Variants in SPSB4 observed in about 807,000 individuals in gnomAD.
The protein encoded by SPSB4 is splA/ryanodine receptor domain and SOCS box containing 4.
Under a neutral mutation model 20.9 loss-of-function variants are expected in SPSB4, and 21 were observed. The ratio of observed to expected loss-of-function variants is 1.01; its 90% CI spans 0.71 to 1.45. SPSB4 has a LOEUF of 1.45. SPSB4 is among the 40% of genes most tolerant of loss of function. The probability of loss-of-function intolerance (pLI) is 0.00; values close to 1 mark genes in which losing one functional copy is unlikely to be tolerated. For missense variants in SPSB4, 399 were observed against 399.2 expected, an observed-to-expected ratio of 1.00 and a Z score of 0.00; for synonymous variants, 207 against 183.8, an observed-to-expected ratio of 1.13 and a Z score of -1.02.
intron 2 of SPSB4, among the ~76,000 whole-genome samples, chr3:141,145,902 A>T (rs1939406141): frequency 6.6e-6 from 1 of 151,128 alleles, no homozygotes; most frequent in African/African-American, 2.4e-5. Flanking sequence ...TGTGCCTTTA[A>T]CCCTCCTATT....
chr3:141,069,078 G>A (rs2107780636), intron 2 of SPSB4, among the ~76,000 whole-genome samples: 1 of 152,304 alleles, frequency 6.6e-6, no homozygotes, highest in South Asian at 2.1e-4. Context: ...CAGATGTCAT[G>A]GGATGCAGGC....
intron 2 of SPSB4, among the ~76,000 whole-genome samples, chr3:141,137,854 G>T (rs1939254124): frequency 6.6e-6 from 1 of 152,186 alleles, no homozygotes; most frequent in South Asian, 2.1e-4. Flanking sequence ...CTCATAAAAT[G>T]AGTTAGGGAG....
chr3:141,052,138 A>T (rs2107772099), intron 1 of SPSB4, 146 bp downstream of exon 1: 1 of 152,518 alleles, frequency 6.6e-6, no homozygotes. Flanking sequence ...AGGTTGTGGC[A>T]GTTCGAGATG....
chr3:141,098,910 T>C (rs1938580225), intron 2 of SPSB4, among the ~76,000 whole-genome samples: 1 of 152,156 alleles, frequency 6.6e-6, no homozygotes, highest in Non-Finnish European at 1.5e-5. Context: ...TCCAAGAGCA[T>C]GGCATTGGCA....
At chr3:141,058,831 T>C (rs916306873) in intron 1 of SPSB4, among the ~76,000 whole-genome samples, 22 of 151,880 alleles carry the variant, frequency 1.4e-4, no homozygotes, top group African/African-American at 4.8e-4. Context: ...GGAGTGAGAG[T>C]CCAACTATGA....
chr3:141,128,849 A>C (rs1031677346), intron 2 of SPSB4, among the ~76,000 whole-genome samples: 1 of 152,168 alleles, frequency 6.6e-6, no homozygotes, highest in African/African-American at 2.4e-5. Context: ...AAATTGTTCC[A>C]TTCTACCTTC....
At chr3:141,072,454 C>T (rs913537916) in intron 2 of SPSB4, among the ~76,000 whole-genome samples, 2 of 152,158 alleles carry the variant, frequency 1.3e-5, no homozygotes, top group Non-Finnish European at 2.9e-5. Context: ...GTGCCCTCCT[C>T]GTGGTAATGA....
intron 2 of SPSB4, among the ~76,000 whole-genome samples, chr3:141,106,927 A>T (rs529168040): frequency 1.3e-5 from 2 of 152,312 alleles, no homozygotes; most frequent in African/African-American, 4.8e-5. Flanking sequence ...GTATGGGGTC[A>T]TCTTTCTCAG....
intron 2 of SPSB4, among the ~76,000 whole-genome samples, chr3:141,097,071 C>T (rs900836060): frequency 1.3e-5 from 2 of 152,236 alleles, no homozygotes; most frequent in Non-Finnish European, 2.9e-5. Flanking sequence ...TCCATTTTCA[C>T]CCTTTCTTGA....
At chr3:141,089,215 G>A (rs1228319364) in intron 2 of SPSB4, among the ~76,000 whole-genome samples, 3 of 152,180 alleles carry the variant, frequency 2.0e-5, no homozygotes, top group Non-Finnish European at 4.4e-5. Context: ...CTCTCTTCAG[G>A]TGGACGAGGG....
intron 2 of SPSB4, among the ~76,000 whole-genome samples, chr3:141,111,353 G>GTT (rs1316349967): frequency 1.5e-3 from 69 of 47,548 alleles, no homozygotes; most frequent in Middle Eastern, 0.016. Context: ...CCTGGAACTT[G>GTT]CTTTTTTTTT....
intron 1 of SPSB4, among the ~76,000 whole-genome samples, chr3:141,060,465 G>C (rs888666675): frequency 6.6e-6 from 1 of 152,174 alleles, no homozygotes; most frequent in African/African-American, 2.4e-5. Flanking sequence ...TAACTCTGGG[G>C]TTGATCCCAG....
intron 1 of SPSB4, among the ~76,000 whole-genome samples, chr3:141,054,703 T>C (rs1229805071): frequency 1.3e-5 from 2 of 152,370 alleles, no homozygotes; most frequent in Middle Eastern, 3.4e-3. Context: ...TGGTGGTTCA[T>C]GCCCGTAATC....
chr3:141,132,518 G>A (rs1027934828), intron 2 of SPSB4, among the ~76,000 whole-genome samples: 1 of 152,160 alleles, frequency 6.6e-6, no homozygotes, highest in Admixed American at 6.5e-5. Flanking sequence ...TCATTTATAA[G>A]TGAGAACATA....
intron 2 of SPSB4, among the ~76,000 whole-genome samples, chr3:141,144,011 T>A (rs1939374634): frequency 6.6e-6 from 1 of 152,254 alleles, no homozygotes; most frequent in African/African-American, 2.4e-5. Flanking sequence ...GGGACATTTA[T>A]TTGTTCATCA....
At chr3:141,134,548 C>G (rs548825289) in intron 2 of SPSB4, among the ~76,000 whole-genome samples, 1 of 149,790 alleles carries the variant, frequency 6.7e-6, no homozygotes, top group African/African-American at 2.4e-5. Context: ...GATTTTGTCA[C>G]GTTTTTTCTG....
At chr3:141,062,704 T>C (rs1278047519) in intron 1 of SPSB4, among the ~76,000 whole-genome samples, 1 of 152,222 alleles carries the variant, frequency 6.6e-6, no homozygotes, top group Non-Finnish European at 1.5e-5. Context: ...TTGTGATCTA[T>C]AATTTTGTGA....
Position 141,105,462 on chromosome 3 carries a change from A to G in SPSB4, c.694+38664A>G, listed in dbSNP as rs183863985. Among the ~76,000 whole-genome samples the G allele has an allele frequency of 3.1e-4, 47 of 152,362 alleles. 1 individual carries two copies. In the East Asian group the frequency reaches 4.8e-3, roughly 16 times the overall value. ...ATTGGGTACTTGCTATATTATGCCA[A>G]GCATTCCACTAGGTACCTCATTCAT... On this transcript the variant is annotated intron_variant, in intron 2 of 2. Transcript: ENST00000310546.
At chr3:141,136,190 G>GT (rs1391896299) in intron 2 of SPSB4, among the ~76,000 whole-genome samples, 2 of 152,018 alleles carry the variant, frequency 1.3e-5, no homozygotes, top group Non-Finnish European at 2.9e-5. Context: ...TGAAGGGTTT[G>GT]TTTTTTTCTT....
Sources: gnomAD v4.1 joint callset for allele counts (sites outside exome capture counted in the v4.1 genomes callset) on GRCh38, gnomAD v4.1.1 for gene constraint, MANE v1.5 for transcripts, NCBI Gene and HGNC (gene_info 2026-07-23, HGNC 2026-07-21) for gene names.